Variants in KLHL5 observed in about 807,000 individuals in gnomAD.
KLHL5 encodes the protein kelch like family member 5.
KLHL5 carries 48 observed loss-of-function variants against 77.7 expected under a neutral mutation model. That is an observed-to-expected ratio of 0.62 (90% confidence interval 0.49 to 0.79). KLHL5 has a LOEUF of 0.79. Ranked by LOEUF, KLHL5 falls within the 30% of genes least tolerant of loss-of-function variation. The probability of loss-of-function intolerance (pLI) is 0.00; values close to 1 mark genes in which losing one functional copy is unlikely to be tolerated. For missense variants in KLHL5, 723 were observed against 859.7 expected, an observed-to-expected ratio of 0.84 and a Z score of 1.99; for synonymous variants, 260 against 297.0, an observed-to-expected ratio of 0.88 and a Z score of 1.28.
chr4:39,051,488 G>A (rs1327861891), intron 1 of KLHL5, among the ~76,000 whole-genome samples: 1 of 152,092 alleles, frequency 6.6e-6, no homozygotes, highest in Non-Finnish European at 1.5e-5. Flanking sequence ...CAAATGAAGG[G>A]GTTTTCTTGG....
At chr4:39,097,012 T>G (rs1721126544) in intron 6 of KLHL5, 134 bp downstream of exon 6, 2 of 695,922 alleles carry the variant, frequency 2.9e-6, no homozygotes, top group South Asian at 3.7e-5. Flanking sequence ...CAGATAATTG[T>G]GTAACATCCT....
At position 39,121,930 on chromosome 4, in the gene KLHL5, A is replaced by T. The variant is rs1723232791; in HGVS notation, c.*864A>T. On this transcript the variant is annotated 3_prime_UTR_variant, in exon 11 of 11. Coordinates refer to ENST00000504108, the MANE Select transcript of KLHL5 (RefSeq NM_015990.5). The stretch of plus-strand genomic sequence containing the variant: ...TTTTGATATTGACAAAATTGTTTGG[A>T]TATCCTTATGTTCTCAAGTCTGTAT... 6.6e-6 allele frequency: 1 copy of T among 152,564 alleles called. No homozygotes were observed. The highest frequency in any genetic ancestry group is 6.6e-5 in the Admixed American group (1 of 15,258). The allele number at this position is 152,564 out of a possible 1,614,324, so 9.5% of individuals were successfully genotyped here.
At chr4:39,055,055 G>A (rs1352617997) in intron 1 of KLHL5, among the ~76,000 whole-genome samples, 1 of 152,190 alleles carries the variant, frequency 6.6e-6, no homozygotes, top group Admixed American at 6.5e-5. Context: ...CTATATAAAT[G>A]AGTTATTTTA....
downstream of KLHL5, among the ~76,000 whole-genome samples, chr4:39,128,163 T>C (rs1723630565): frequency 6.6e-6 from 1 of 152,222 alleles, no homozygotes; most frequent in Non-Finnish European, 1.5e-5. Flanking sequence ...TATTTTTGTA[T>C]TCCCTGCAGC....
rs71643268 is a variant in KLHL5 at position 39,124,802 on chromosome 4, C to CA, written c.*3760dup. Among the ~76,000 whole-genome samples, 2,242 of 44,018 alleles carry CA rather than the reference C, an allele frequency of 0.051. 81 individuals are homozygous for CA. Among genetic ancestry groups the CA allele is most frequent in the African/African-American group, 0.083 (1,118 of 13,480 alleles). The allele number at this position is 44,018 out of a possible 152,430, so 28.9% of individuals were successfully genotyped here. A position where few individuals can be genotyped will look rare whatever the true frequency, so the allele number is the denominator to read the frequency against. On this transcript the variant is annotated 3_prime_UTR_variant, in exon 11 of 11. Coordinates refer to ENST00000504108, the MANE Select transcript of KLHL5 (RefSeq NM_015990.5). The stretch of plus-strand genomic sequence containing the variant: ...GCACCAAAAGCACAAGCAACAACAG[C>CA]AAAAAAAAAAAAAAAAAAAAAAAAT...
At chr4:39,054,874 T>A (rs1170000730) in intron 1 of KLHL5, among the ~76,000 whole-genome samples, 1 of 152,238 alleles carries the variant, frequency 6.6e-6, no homozygotes, top group Non-Finnish European at 1.5e-5. Flanking sequence ...CTCTGCTTAC[T>A]CGTTGAATTG....
At chr4:39,129,619 C>T (rs1273719589), downstream of KLHL5, among the ~76,000 whole-genome samples, 1 of 152,184 alleles carries the variant, frequency 6.6e-6, no homozygotes, top group Non-Finnish European at 1.5e-5. The surrounding 1 kb of genome is among the most constrained non-coding windows in gnomAD (Gnocchi z 4.2). Flanking sequence ...GTGGTGAACA[C>T]AGCACCCAAC....
chr4:39,107,055 T>TTTTTCTTTTTTTTTC (rs66511210), intron 7 of KLHL5, among the ~76,000 whole-genome samples: 1 of 145,082 alleles, frequency 6.9e-6, no homozygotes, highest in Non-Finnish European at 1.5e-5. Context: ...TTTTTCTTTT[T>TTTTTCTTTTTTTTTC]TTTTTTTTTT....
chr4:39,069,453 TATATATATATATATATATATACAC>T (rs1444106187), intron 1 of KLHL5, among the ~76,000 whole-genome samples: 110 of 52,386 alleles, frequency 2.1e-3, no homozygotes, highest in South Asian at 5.2e-3. Flanking sequence ...TATATATATA[TATATATATATATATATATATACAC>T]ACACACACAC....
At chr4:39,072,199 T>C (rs979086458) in intron 1 of KLHL5, among the ~76,000 whole-genome samples, 2 of 152,062 alleles carry the variant, frequency 1.3e-5, no homozygotes, top group African/African-American at 4.8e-5. Context: ...AAGACTGTAA[T>C]TACAGGCCTT....
intron 1 of KLHL5, among the ~76,000 whole-genome samples, chr4:39,064,053 G>A (rs1717670999): frequency 6.6e-6 from 1 of 152,062 alleles, no homozygotes; most frequent in African/African-American, 2.4e-5. Flanking sequence ...CTTGTAATTT[G>A]TAAGTTGGTT....
Position 39,101,126 on chromosome 4 carries a change from T to TATATA in KLHL5, c.1301-2161_1301-2160insATATA, listed in dbSNP as rs1553892884. The stretch of plus-strand genomic sequence containing the variant: ...TTTGTTAATTTTGGATATTTGGATT[T>TATATA]TATATATATATATATATATATCTAC... On this transcript the variant is annotated intron_variant, in intron 6 of 10. Transcript: ENST00000504108. Among the ~76,000 whole-genome samples, 34 of 134,850 alleles carry TATATA rather than the reference T, an allele frequency of 2.5e-4. 2 individuals are homozygous for TATATA. The highest frequency in any genetic ancestry group is 8.1e-4 in the African/African-American group (29 of 35,916). The allele number at this position is 134,850 out of a possible 152,430, so 88.5% of individuals were successfully genotyped here. A position where few individuals can be genotyped will look rare whatever the true frequency, so the allele number is the denominator to read the frequency against.
chr4:39,057,640 T>C (rs1717092658), upstream of KLHL5, among the ~76,000 whole-genome samples: 1 of 152,170 alleles, frequency 6.6e-6, no homozygotes, highest in Admixed American at 6.5e-5. Flanking sequence ...TGGAGGGTGC[T>C]TCAAAATCAT....
intron 10 of KLHL5, 98 bp from the exon 11 acceptor site, chr4:39,120,912 G>A: frequency 2.1e-6 from 2 of 952,420 alleles, no homozygotes; most frequent in South Asian, 1.4e-5. Flanking sequence ...ACAACCCTTT[G>A]CCAACAAGTA....
At chr4:39,101,339 T>A (rs1560432654) in intron 6 of KLHL5, among the ~76,000 whole-genome samples, 1 of 151,868 alleles carries the variant, frequency 6.6e-6, no homozygotes, top group African/African-American at 2.4e-5. Context: ...GGAGGGAATT[T>A]TCTAATTTGA....
intron 1 of KLHL5, among the ~76,000 whole-genome samples, chr4:39,047,465 T>C (rs2110102933): frequency 6.6e-6 from 1 of 152,344 alleles, no homozygotes; most frequent in African/African-American, 2.4e-5. Context: ...AGTTCTTCAT[T>C]AGTATTTCTT....
intron 1 of KLHL5, among the ~76,000 whole-genome samples, chr4:39,046,644 C>T (rs1716215355): frequency 6.6e-6 from 1 of 152,094 alleles, no homozygotes; most frequent in Admixed American, 6.5e-5. Context: ...TAGAAACAAA[C>T]CAGTTCTGCC....
intron 6 of KLHL5, among the ~76,000 whole-genome samples, chr4:39,101,949 T>TAC (rs1159120693): frequency 5.9e-5 from 4 of 67,460 alleles, no homozygotes; most frequent in African/African-American, 2.1e-4. Flanking sequence ...TATACACACA[T>TAC]ATATATACAC....
chr4:39,139,282 CAAAAAAA>C, the KLHL5 span, among the ~76,000 whole-genome samples: 1 of 57,428 alleles, frequency 1.7e-5, no homozygotes, highest in East Asian at 5.3e-4. Flanking sequence ...AACTCCATCT[CAAAAAAA>C]AAAAAAAAAA....
Sources: gnomAD v4.1 joint callset for allele counts (sites outside exome capture counted in the v4.1 genomes callset) on GRCh38, gnomAD v4.1.1 for gene constraint, Gnocchi (gnomAD v3.1) non-coding constraint, MANE v1.5 for transcripts, NCBI Gene and HGNC (gene_info 2026-07-23, HGNC 2026-07-21) for gene names.